Variants in AEBP2 observed in about 807,000 individuals in gnomAD.
AEBP2 encodes AE binding protein 2.
In AEBP2, 10 loss-of-function variants were observed where a neutral mutation model predicts 50.8. The ratio of observed to expected loss-of-function variants is 0.20; its 90% CI spans 0.12 to 0.33. The LOEUF (loss-of-function observed/expected upper bound fraction) is 0.33, where lower values mean the gene tolerates loss of function less well. Among genes scored for constraint, AEBP2 ranks in the 10% least tolerant of loss-of-function variants. The pLI, the probability that AEBP2 is intolerant of heterozygous loss-of-function variation, is 1.00. For synonymous variants in AEBP2, 296 were observed against 261.3 expected (o/e 1.13, Z -1.28); for missense variants, 570 against 688.0 (o/e 0.83, Z 1.92).
At chr12:19,512,668 T>C (rs1380519656) in intron 6 of AEBP2, among the ~76,000 whole-genome samples, 1 of 148,074 alleles carries the variant, frequency 6.8e-6, no homozygotes, top group Non-Finnish European at 1.5e-5. Context: ...AAGCCCCCCC[T>C]CTTTTTTTTT....
At chr12:19,436,665 C>G (rs568571388), upstream of AEBP2, among the ~76,000 whole-genome samples, 2 of 149,984 alleles carry the variant, frequency 1.3e-5, no homozygotes, top group Admixed American at 1.3e-4. Flanking sequence ...ACTCACAGTT[C>G]ACTGCAGCCT....
At chr12:19,418,365 C>T (rs570201453) in intron 1 of AEBP2, among the ~76,000 whole-genome samples, 1 of 148,790 alleles carries the variant, frequency 6.7e-6, no homozygotes, top group South Asian at 2.1e-4. Flanking sequence ...CCTGGGACTA[C>T]AGGTGCATGC....
intron 1 of AEBP2, among the ~76,000 whole-genome samples, chr12:19,429,293 C>T (rs2095750198): frequency 6.6e-6 from 1 of 152,280 alleles, no homozygotes; most frequent in Non-Finnish European, 1.5e-5. Flanking sequence ...CATGTCCCTA[C>T]AAAGGACATG....
At chr12:19,421,375 CA>C (rs1276617045) in intron 1 of AEBP2, among the ~76,000 whole-genome samples, 1 of 120,918 alleles carries the variant, frequency 8.3e-6, no homozygotes, top group East Asian at 2.4e-4. Context: ...AAGAAACAAA[CA>C]AAAAAAAGAA....
intron 1 of AEBP2, among the ~76,000 whole-genome samples, chr12:19,453,158 A>G (rs866937185): frequency 6.6e-6 from 1 of 151,790 alleles, no homozygotes; most frequent in African/African-American, 2.4e-5. Context: ...TTTAGTAAAG[A>G]TGGAGTTTCA....
intron 1 of AEBP2, among the ~76,000 whole-genome samples, chr12:19,441,909 C>T (rs1947967240): frequency 6.6e-6 from 1 of 152,060 alleles, no homozygotes; most frequent in African/African-American, 2.4e-5. Flanking sequence ...GCTTGCCTAC[C>T]ACTGTACAAA....
At position 19,444,160 on chromosome 12, in the gene AEBP2, A is replaced by T. The variant is rs185928187; in HGVS notation, c.671+3790A>T. Reference sequence around the variant, plus strand: ...AGAGGCTATGGTAACTTTAAAAAAAATTTAAAAAATTTTAAACATAATTTT... The same window carrying T: ...AGAGGCTATGGTAACTTTAAAAAAATTTTAAAAAATTTTAAACATAATTTT... On this transcript the variant is annotated intron_variant, in intron 1 of 7. Coordinates refer to ENST00000266508, the MANE Select transcript of AEBP2 (RefSeq NM_153207.5). Among the ~76,000 whole-genome samples the T allele has an allele frequency of 6.6e-3, 1,005 of 152,264 alleles. 11 individuals are homozygous for T. Among genetic ancestry groups the T allele is most frequent in the African/African-American group, 0.023 (938 of 41,564 alleles).
At chr12:19,482,863 G>A (rs572877375) in intron 3 of AEBP2, among the ~76,000 whole-genome samples, 3 of 152,134 alleles carry the variant, frequency 2.0e-5, no homozygotes, top group Non-Finnish European at 2.9e-5. Flanking sequence ...CACCAGGGAA[G>A]TGGGGGGTTG....
At chr12:19,444,667 C>T (rs1948027065) in intron 1 of AEBP2, among the ~76,000 whole-genome samples, 1 of 152,190 alleles carries the variant, frequency 6.6e-6, no homozygotes, top group Non-Finnish European at 1.5e-5. Context: ...TTTTGTGGTT[C>T]AAGTGAAATA....
chr12:19,448,347 A>G (rs566407075), intron 1 of AEBP2, among the ~76,000 whole-genome samples: 18 of 152,276 alleles, frequency 1.2e-4, no homozygotes, highest in South Asian at 2.1e-4. Flanking sequence ...AAATACAAAA[A>G]TTAGGCGCAT....
At chr12:19,438,875 A>C (rs1184380445), upstream of AEBP2, among the ~76,000 whole-genome samples, 2 of 152,238 alleles carry the variant, frequency 1.3e-5, no homozygotes, top group African/African-American at 4.8e-5. Flanking sequence ...TTGGCTATAC[A>C]GTATTTAAAC....
chr12:19,518,481 T>A lies in AEBP2; in HGVS notation c.*364T>A. On this transcript the variant is annotated 3_prime_UTR_variant, in exon 8 of 8. Coordinates refer to ENST00000266508, the MANE Select transcript of AEBP2 (RefSeq NM_153207.5). ...TCCCTTTAGTGATTTCAGTAGTTTATATTGGAAAGAAAAACAATTACAACA... is the reference window on the plus strand; with the variant it reads ...TCCCTTTAGTGATTTCAGTAGTTTAAATTGGAAAGAAAAACAATTACAACA... 1 of 1,248,554 alleles carries A rather than the reference T, an allele frequency of 8.0e-7. No individual in the cohort carries two copies. The highest frequency in any genetic ancestry group is 1.0e-6 in the Non-Finnish European group (1 of 993,850). The allele number at this position is 1,248,554 out of a possible 1,614,324, so 77.3% of individuals were successfully genotyped here. A position where few individuals can be genotyped will look rare whatever the true frequency, so the allele number is the denominator to read the frequency against.
chr12:19,514,311 C>G (rs943804213), intron 6 of AEBP2, among the ~76,000 whole-genome samples: 8 of 152,058 alleles, frequency 5.3e-5, no homozygotes, highest in African/African-American at 9.7e-5. Flanking sequence ...TTTTATTTCT[C>G]TCTTAGTAAA....
At chr12:19,444,117 T>G (rs1038148780) in intron 1 of AEBP2, among the ~76,000 whole-genome samples, 1 of 152,180 alleles carries the variant, frequency 6.6e-6, no homozygotes, top group African/African-American at 2.4e-5. Context: ...AAAAAAGTTA[T>G]GCTCTTAGGT....
intron 1 of AEBP2, among the ~76,000 whole-genome samples, chr12:19,405,968 G>GTTT (rs35045932): frequency 6.2e-5 from 8 of 129,778 alleles, no homozygotes; most frequent in Non-Finnish European, 4.9e-5. Flanking sequence ...TGCCTGGCCA[G>GTTT]TTTTTTTTTT....
At chr12:19,495,011 G>T (rs1352112308) in intron 4 of AEBP2, among the ~76,000 whole-genome samples, 4 of 151,970 alleles carry the variant, frequency 2.6e-5, no homozygotes, top group African/African-American at 9.7e-5. Flanking sequence ...GGTTCAAGCA[G>T]TTCTCTGTCT....
chr12:19,443,565 A>G (rs1037719066), intron 1 of AEBP2, among the ~76,000 whole-genome samples: 1 of 152,020 alleles, frequency 6.6e-6, no homozygotes, highest in African/African-American at 2.4e-5. Flanking sequence ...TACTAAAAAT[A>G]CAAAAAAATG....
At chr12:19,516,313 A>G (rs1377724889) in intron 7 of AEBP2, among the ~76,000 whole-genome samples, 1 of 152,136 alleles carries the variant, frequency 6.6e-6, no homozygotes, top group East Asian at 1.9e-4. Flanking sequence ...TGGAGAGATG[A>G]ATTAAAATTA....
At chr12:19,507,333 G>C (rs1949166688) in intron 5 of AEBP2, among the ~76,000 whole-genome samples, 1 of 152,176 alleles carries the variant, frequency 6.6e-6, no homozygotes, top group Non-Finnish European at 1.5e-5. Flanking sequence ...CATTAGAGCA[G>C]CTCCTTTTGA....
Sources: gnomAD v4.1 joint callset for allele counts (sites outside exome capture counted in the v4.1 genomes callset) on GRCh38, gnomAD v4.1.1 for gene constraint, MANE v1.5 for transcripts, NCBI Gene and HGNC (gene_info 2026-07-23, HGNC 2026-07-21) for gene names.